The following F5 variants were observed in gnomAD, a reference collection of about 807,000 sequenced individuals.
F5 encodes coagulation factor V, also known as activated protein c cofactor.
F5 carries 138 observed loss-of-function variants against 216.4 expected under a neutral mutation model. The ratio of observed to expected loss-of-function variants is 0.64; its 90% confidence interval spans 0.56 to 0.73. The LOEUF (loss-of-function observed/expected upper bound fraction) is 0.73, where lower values mean the gene tolerates loss of function less well. Ranked by LOEUF, F5 falls within the 30% of genes least tolerant of loss-of-function variation. The pLI is 0.00. For synonymous variants in F5, 916 were observed against 930.7 expected (o/e 0.98, Z 0.29); for missense variants, 2,403 against 2,674.0 (o/e 0.90, Z 2.24).
In F5 at chr1:169,542,312, G is replaced by A; in HGVS notation, c.2778C>T (p.Asp926=). 1.3e-6 allele frequency: 2 copies of A among 1,599,278 alleles called. No homozygotes were observed. The highest frequency in any genetic ancestry group is 8.6e-7 in the Non-Finnish European group (1 of 1,168,208). The change falls in exon 13 of 25, where the codon GAC becomes GAT. Residue 926 remains aspartate (D), a synonymous_variant. Transcript: ENST00000367797. Reference sequence around the variant, plus strand: ...TTAAGAGTAACAGATCACTAGGAGGGTCCTTCCAGGGCCTCATTCTGGAAG... The same window carrying A: ...TTAAGAGTAACAGATCACTAGGAGGATCCTTCCAGGGCCTCATTCTGGAAG... ...GSPSRMRPWK[D]PPSDLLLLKQ... is the part of the protein sequence containing the mutation.
In F5 at chr1:169,518,427, A is replaced by G. The variant is rs1659210677; in HGVS notation, c.6330T>C (p.Asn2110=). The change falls in exon 23 of 25, where the codon AAT becomes AAC. Residue 2110 remains asparagine (N), a synonymous_variant. Coordinates refer to ENST00000367797, the MANE Select transcript of F5 (RefSeq NM_000130.5). The stretch of plus-strand genomic sequence containing the variant: ...TATACTTGACCTTGGCTTGCCAGGC[A>G]TTCACACGTCCCTGGGCATTCAGAC... ...RARLNAQGRV[N]AWQAKANNNK... is the part of the protein sequence containing the mutation. 6.2e-7 allele frequency: 1 copy of G among 1,613,728 alleles called. No homozygotes were observed. Among genetic ancestry groups the G allele is most frequent in the South Asian group, 1.1e-5 (1 of 91,074 alleles).
chr1:169,582,361 G>T (rs1661008475), intron 2 of F5, 70 bp downstream of exon 2: 1 of 778,156 alleles, frequency 1.3e-6, no homozygotes, highest in Non-Finnish European at 2.1e-6. Flanking sequence ...GGATATTTTA[G>T]ATGCATGTGA....
intron 13 of F5, among the ~76,000 whole-genome samples, chr1:169,538,594 A>G (rs778274663): frequency 6.6e-6 from 1 of 152,212 alleles, no homozygotes; most frequent in Non-Finnish European, 1.5e-5. Context: ...AACAACAACA[A>G]CAAAAAAACT....
Position 169,556,844 on chromosome 1 carries a change from G to A in F5, c.754C>T (p.His252Tyr). ...MPDITVCAHDHISWHLLGMSS... is the reference protein window; with the variant it reads ...MPDITVCAHDYISWHLLGMSS... ...ATTCCCAGCAGATGCCAGCTGATGT[G>A]GTCATGGGCACAAACTGTTATATCT... The change falls in exon 6 of 25, where the codon CAC (histidine) becomes TAC (tyrosine). Residue 252 changes from histidine (H) to tyrosine (Y), a missense_variant. His to Tyr is a moderately conservative substitution (Grantham distance 83). This residue lies in a region of F5 where 1,425 missense variants were observed against 1,554.8 expected (regional missense o/e 0.92). Transcript: ENST00000367797. 6.2e-7 allele frequency: 1 copy of A among 1,613,968 alleles called. No individual in the cohort carries two copies. Among genetic ancestry groups the A allele is most frequent in the East Asian group, 2.2e-5 (1 of 44,878 alleles).
At chr1:169,522,834 T>C (rs1659341733) in intron 21 of F5, among the ~76,000 whole-genome samples, 1 of 152,126 alleles carries the variant, frequency 6.6e-6, no homozygotes. Context: ...CAAACTACAA[T>C]AGTAAAATCA....
chr1:169,560,435 C>T (rs1240858679), intron 4 of F5, 119 bp downstream of exon 4: 10 of 897,938 alleles, frequency 1.1e-5, no homozygotes, highest in Middle Eastern at 2.5e-4. Flanking sequence ...GTCTCCGTGC[C>T]GTCTTCCTCT....
At position 169,541,967 on chromosome 1, in the gene F5, A is replaced by G; in HGVS notation, c.3123T>C (p.Ala1041=). ...KKKKEKHTHH[A]PLSPRTFHPL... ...GGTGAAAGGTCCTCGGAGATAAAGG[A>G]GCATGGTGTGTGTGCTTCTCTTTTT... Residue 1041 remains alanine (A), a synonymous_variant, in exon 13 of 25, where the codon GCT becomes GCC. Transcript: ENST00000367797. 6.2e-7 allele frequency: 1 copy of G among 1,614,066 alleles called. No individual in the cohort carries two copies.
At position 169,515,035 on chromosome 1, in the gene F5, G is replaced by A. The variant is rs559045000; in HGVS notation, c.6528+409C>T. Among the ~76,000 whole-genome samples the A allele has an allele frequency of 2.0e-5, 3 of 152,184 alleles. No homozygotes were observed. In the South Asian group the frequency reaches 6.2e-4, roughly 31 times the overall value. ...AGTGCATAGTAAGTGCCAGGAAGTG[G>A]CCACCAATAAATGTTTGACTATTGC... On this transcript the variant is annotated intron_variant, in intron 24 of 24. Transcript: ENST00000367797.
chr1:169,520,655 C>T lies in F5; in HGVS notation c.6058G>A (p.Gly2020Ser). The change falls in exon 22 of 25, where the codon GGC (glycine) becomes AGC (serine). Residue 2020 changes from glycine (G) to serine (S), a missense_variant. This residue lies in a region of F5 where 659 missense variants were observed against 787.9 expected (regional missense o/e 0.84). Transcript: ENST00000367797. ...TTTATTGTAGAGGCATCTGAATTGCCATTAAAATACTAGAAGAAAAGAGGA... is the reference window on the plus strand; with the variant it reads ...TTTATTGTAGAGGCATCTGAATTGCTATTAAAATACTAGAAGAAAAGAGGA... ...NSTRNVMYFN[G>S]NSDASTIKEN... 1.2e-6 allele frequency: 2 copies of T among 1,613,320 alleles called. No homozygotes were observed. Among genetic ancestry groups the T allele is most frequent in the Non-Finnish European group, 1.7e-6 (2 of 1,179,518 alleles).
At chr1:169,524,936 A>C in intron 18 of F5, 28 bp from the exon 19 acceptor site, 1 of 1,567,774 alleles carries the variant, frequency 6.4e-7, no homozygotes, top group Non-Finnish European at 8.8e-7. Context: ...AAAATGAATA[A>C]TTTTTGCTTA....
rs1557903192 is a variant in F5 at position 169,515,441 on chromosome 1, TACCTTGTCC to T, written c.6522_6528+2del. The T allele has an allele frequency of 1.2e-6, 2 of 1,613,096 alleles. No homozygotes were observed. The highest frequency in any genetic ancestry group is 4.5e-5 in the East Asian group (2 of 44,852). On this transcript the variant is annotated splice_donor_variant and coding_sequence_variant, in exon 24 of 25. Coordinates refer to ENST00000367797, the MANE Select transcript of F5 (RefSeq NM_000130.5). LOFTEE classifies it high-confidence loss of function. ...CTTTCTCTTTGCCCAGATGCCACTC[TACCTTGTCC>T]ACCATGGAGGATTTCAGCCTGTATG...
chr1:169,528,925 C>T (rs953518644), intron 16 of F5, among the ~76,000 whole-genome samples: 1 of 152,132 alleles, frequency 6.6e-6, no homozygotes, highest in Admixed American at 6.5e-5. Flanking sequence ...ATTTGGGCAT[C>T]CTTCAAATTA....
intron 13 of F5, among the ~76,000 whole-genome samples, chr1:169,539,248 G>A (rs1659774930): frequency 6.6e-6 from 1 of 152,006 alleles, no homozygotes; most frequent in South Asian, 2.1e-4. Context: ...CTTTCTTCTG[G>A]TCTACCTCCC....
Position 169,560,619 on chromosome 1 carries a change from G to A in F5, c.521C>T (p.Ser174Phe). ...GAAATCCTCGATCAGATTTTCATGG[G>A]AGTAATAGATGTGTGTGAGGCATGG... Reference protein sequence around the residue: ...DPPCLTHIYYSHENLIEDFNS... With the variant: ...DPPCLTHIYYFHENLIEDFNS... The change falls in exon 4 of 25, where the codon TCC becomes TTC. Residue 174 changes from serine (S) to phenylalanine (F), a missense_variant. Transcript: ENST00000367797. The A allele has an allele frequency of 6.2e-7, 1 of 1,613,776 alleles. No individual in the cohort carries two copies. The highest frequency in any genetic ancestry group is 8.5e-7 in the Non-Finnish European group (1 of 1,179,808).
Position 169,518,539 on chromosome 1 carries a change from T to G in F5, c.6218A>C (p.Glu2073Ala). The G allele has an allele frequency of 6.2e-7, 1 of 1,613,898 alleles. No homozygotes were observed. The highest frequency in any genetic ancestry group is 1.1e-5 in the South Asian group (1 of 91,078). ...VNGCSTPLGM[E>A]NGKIENKQIT... ...TTGCTTGTTTTCTATCTTTCCATTT[T>G]CCATACCCAGGGGTGTGGAACATCC... The change falls in exon 23 of 25, where the codon GAA becomes GCA. Residue 2073 changes from glutamate to alanine, a missense_variant. Glu to Ala is a moderately radical substitution (Grantham distance 107). Around this residue, in one of 4 missense-constraint regions of F5, gnomAD observed 659 missense variants for 787.9 expected, o/e 0.84. Transcript: ENST00000367797.
At chr1:169,530,457 T>C (rs916439) in intron 15 of F5, among the ~76,000 whole-genome samples, 9,034 of 152,318 alleles carry the variant, frequency 0.059, 366 homozygotes, top group Admixed American at 0.1. Flanking sequence ...GTTCTTTTCA[T>C]AAAGAAAGAG....
intron 7 of F5, among the ~76,000 whole-genome samples, chr1:169,553,160 T>C (rs1660213270): frequency 6.6e-6 from 1 of 152,234 alleles, no homozygotes; most frequent in South Asian, 2.1e-4. Flanking sequence ...AGGAAACATT[T>C]ACTAGCATTG....
At position 169,523,236 on chromosome 1, in the gene F5, G is replaced by A. The variant is rs1399670455; in HGVS notation, c.6009C>T (p.Asn2003=). The A allele has an allele frequency of 6.2e-7, 1 of 1,613,976 alleles. No homozygotes were observed. Among genetic ancestry groups the A allele is most frequent in the Non-Finnish European group, 8.5e-7 (1 of 1,179,974 alleles). ...FYVAYSSNQI[N]WQIFKGNSTR... is the part of the protein sequence containing the mutation. ...TGCTGTTCCCTTTGAAGATCTGCCA[G>A]TTGATCTGGTTGGAACTGTAAGCTA... Residue 2003 remains asparagine (N), a synonymous_variant, in exon 21 of 25, where the codon AAC becomes AAT. Transcript: ENST00000367797.
At chr1:169,536,160 C>T (rs759106842) in intron 14 of F5, among the ~76,000 whole-genome samples, 1 of 152,120 alleles carries the variant, frequency 6.6e-6, no homozygotes, top group Non-Finnish European at 1.5e-5. Context: ...ACTACTAGCA[C>T]TGCTACTGCC....
Sources: allele counts gnomAD v4.1 joint callset (sites outside exome capture counted in the v4.1 genomes callset), GRCh38; gene constraint gnomAD v4.1.1; regional missense constraint gnomAD v4.1.1; transcripts MANE v1.5; gene names NCBI Gene and HGNC (gene_info 2026-07-23, HGNC 2026-07-21).